Variants in PTPRT observed in about 807,000 individuals in gnomAD.
PTPRT encodes protein tyrosine phosphatase receptor type T.
Under a neutral mutation model 176.8 loss-of-function variants are expected in PTPRT, and 56 were observed. The observed-to-expected ratio is 0.32, with a 90% CI of 0.26 to 0.40. The LOEUF (loss-of-function observed/expected upper bound fraction) is 0.40, where lower values mean the gene tolerates loss of function less well. Ranked by LOEUF, PTPRT falls within the 10% of genes least tolerant of loss-of-function variation. The probability of loss-of-function intolerance (pLI) is 1.00; values close to 1 mark genes in which losing one functional copy is unlikely to be tolerated. For synonymous variants in PTPRT, 783 were observed against 739.0 expected (o/e 1.06, Z -0.96); for missense variants, 1,540 against 1,908.2 (o/e 0.81, Z 3.60).
intron 1 of PTPRT, among the ~76,000 whole-genome samples, chr20:42,958,377 A>G (rs1385558903): frequency 3.1e-4 from 7 of 22,248 alleles, no homozygotes; most frequent in Admixed American, 9.6e-4. Context: ...GGGGAAGAAG[A>G]AAGCAAGGGA....
chr20:42,526,778 C>T (rs1292743374), intron 7 of PTPRT, among the ~76,000 whole-genome samples: 3 of 151,944 alleles, frequency 2.0e-5, no homozygotes, highest in South Asian at 4.2e-4. Context: ...TTTTATTTGA[C>T]GTGGAGCAGG....
the PTPRT span, among the ~76,000 whole-genome samples, chr20:42,039,135 A>G: frequency 6.6e-6 from 1 of 152,128 alleles, no homozygotes; most frequent in African/African-American, 2.4e-5. Context: ...CAGGGAGACT[A>G]CTTGTGGATC....
chr20:42,656,771 A>T (rs1207419359), intron 7 of PTPRT, among the ~76,000 whole-genome samples: 2 of 152,232 alleles, frequency 1.3e-5, no homozygotes, highest in African/African-American at 4.8e-5. Flanking sequence ...CAAAGTTAGG[A>T]TGAAATCAAT....
At chr20:42,185,601 A>G (rs1308973962) in intron 16 of PTPRT, among the ~76,000 whole-genome samples, 1 of 152,190 alleles carries the variant, frequency 6.6e-6, no homozygotes, top group Non-Finnish European at 1.5e-5. Flanking sequence ...TCATCCCTTG[A>G]TTTCTTTATC....
chr20:42,054,472 A>G, the PTPRT span, among the ~76,000 whole-genome samples: 2 of 152,212 alleles, frequency 1.3e-5, no homozygotes, highest in Non-Finnish European at 2.9e-5. Flanking sequence ...TTAAACTCAC[A>G]GAATGTCAGA....
intron 6 of PTPRT, among the ~76,000 whole-genome samples, chr20:42,712,510 T>G (rs2076159948): frequency 6.6e-6 from 1 of 152,188 alleles, no homozygotes. Context: ...TCACTCAGGC[T>G]AAACAGTTAG....
At chr20:42,062,556 C>T in the PTPRT span, among the ~76,000 whole-genome samples, 1 of 152,218 alleles carries the variant, frequency 6.6e-6, no homozygotes, top group Non-Finnish European at 1.5e-5. Flanking sequence ...GTATTCCCAA[C>T]ATCATGCACA....
intron 12 of PTPRT, among the ~76,000 whole-genome samples, chr20:42,296,387 A>G (rs1310020891): frequency 6.6e-6 from 1 of 151,702 alleles, no homozygotes; most frequent in Non-Finnish European, 1.5e-5. Flanking sequence ...CACGGTTTGC[A>G]GTGAGCTGAG....
intron 8 of PTPRT, among the ~76,000 whole-genome samples, chr20:42,471,710 C>T (rs1193369048): frequency 1.3e-5 from 2 of 152,008 alleles, no homozygotes; most frequent in African/African-American, 4.8e-5. Context: ...GGCTGGAGTG[C>T]AATGGTGCGA....
chr20:42,886,027 T>A, intron 1 of PTPRT, 95 bp from the exon 2 acceptor site: 1 of 1,012,454 alleles, frequency 9.9e-7, no homozygotes, highest in South Asian at 2.8e-5. Flanking sequence ...AGCTTTGAAT[T>A]TTAAACTCTG....
At chr20:43,093,436 C>A (rs548805925) in intron 1 of PTPRT, among the ~76,000 whole-genome samples, 1 of 152,314 alleles carries the variant, frequency 6.6e-6, no homozygotes, top group South Asian at 2.1e-4. Context: ...TCAGCTTTTG[C>A]AAATAGGAAT....
chr20:42,098,367 G>A (rs769516021), intron 27 of PTPRT, 54 bp downstream of exon 27: 228 of 1,605,378 alleles, frequency 1.4e-4, no homozygotes, highest in Non-Finnish European at 1.7e-4. Context: ...CTCCCTCCAG[G>A]TTTAGAGCAT....
chr20:42,989,729 G>C (rs763224631), intron 1 of PTPRT, among the ~76,000 whole-genome samples: 3 of 152,180 alleles, frequency 2.0e-5, no homozygotes, highest in Non-Finnish European at 4.4e-5. Context: ...ACAGACTGCT[G>C]TATTTTCTGA....
At position 42,633,670 on chromosome 20, in the gene PTPRT, C is replaced by T. The variant is rs112490346; in HGVS notation, c.1153+44196G>A. On this transcript the variant is annotated intron_variant, in intron 7 of 30. Transcript: ENST00000373187. ...GTGTGGTAGCACACGCCTGTAATCC[C>T]AGCTACTCTGGTGGCTGAGGCACGA... Among the ~76,000 whole-genome samples, 553 of 146,178 alleles carry T rather than the reference C, an allele frequency of 3.8e-3. 10 individuals are homozygous for T. The highest frequency in any genetic ancestry group is 0.014 in the African/African-American group (538 of 39,046).
intron 11 of PTPRT, among the ~76,000 whole-genome samples, chr20:42,340,299 A>G (rs2058094140): frequency 6.6e-6 from 1 of 152,228 alleles, no homozygotes; most frequent in African/African-American, 2.4e-5. Flanking sequence ...GGGGTGCTAC[A>G]TCTTGCTCTG....
At chr20:42,270,297 G>T (rs1600757016) in intron 13 of PTPRT, 1 of 1,092,342 alleles carries the variant, frequency 9.2e-7, no homozygotes, top group Non-Finnish European at 1.3e-6. Context: ...GGTGGGTGGG[G>T]TGGAAAGACT....
chr20:42,295,271 CA>C (rs1446040755), intron 12 of PTPRT, among the ~76,000 whole-genome samples: 10 of 152,112 alleles, frequency 6.6e-5, no homozygotes, highest in Admixed American at 6.6e-4. Flanking sequence ...TGATACTTCT[CA>C]AAAACAGCAT....
At chr20:43,146,709 C>T (rs1397485435) in intron 1 of PTPRT, among the ~76,000 whole-genome samples, 1 of 152,148 alleles carries the variant, frequency 6.6e-6, no homozygotes, top group East Asian at 1.9e-4. Flanking sequence ...CTTGCATGGG[C>T]CCCTTTCAAA....
At position 42,771,127 on chromosome 20, in the gene PTPRT, G is replaced by A. The variant is rs564484013; in HGVS notation, c.684+308C>T. Reference sequence around the variant, plus strand: ...AATGCTGGTTAGAGCAGAAAATTCCGCAGGGGTTTGGGCCATGAGACACAT... The same window carrying A: ...AATGCTGGTTAGAGCAGAAAATTCCACAGGGGTTTGGGCCATGAGACACAT... On this transcript the variant is annotated intron_variant, in intron 5 of 30. Transcript: ENST00000373187. Among the ~76,000 whole-genome samples, 7 of 152,230 alleles carry A rather than the reference G, an allele frequency of 4.6e-5. No homozygotes were observed. In the South Asian group the frequency reaches 6.2e-4, roughly 14 times the overall value.
Sources: gnomAD v4.1 joint callset for allele counts (sites outside exome capture counted in the v4.1 genomes callset) on GRCh38, gnomAD v4.1.1 for gene constraint, MANE v1.5 for transcripts, NCBI Gene and HGNC (gene_info 2026-07-23, HGNC 2026-07-21) for gene names.